Variants in NAA11 observed in about 807,000 individuals in gnomAD.
The protein encoded by NAA11 is N-alpha-acetyltransferase 11, NatA catalytic subunit, also known as N-alpha-acetyltransferase 11.
A neutral mutation model predicts 16.1 loss-of-function variants in NAA11; 15 were observed. The ratio of observed to expected loss-of-function variants is 0.93; its 90% CI spans 0.62 to 1.44. The LOEUF (loss-of-function observed/expected upper bound fraction) is 1.44, where lower values mean the gene tolerates loss of function less well. NAA11 is among the 40% of genes most tolerant of loss of function. The pLI is 0.00. For missense variants in NAA11, 298 were observed against 291.3 expected, an observed-to-expected ratio of 1.02 and a Z score of -0.17; for synonymous variants, 122 against 112.4, an observed-to-expected ratio of 1.09 and a Z score of -0.54.
intron 1 of NAA11, among the ~76,000 whole-genome samples, chr4:79,307,562 ATCTTTCCTCT>A (rs1339493308): frequency 3.3e-5 from 5 of 152,194 alleles, no homozygotes; most frequent in African/African-American, 9.7e-5. Context: ...AGGAACTATG[ATCTTTCCTCT>A]TCTTTTATAA....
the NAA11 span, among the ~76,000 whole-genome samples, chr4:79,181,819 C>T: frequency 6.6e-6 from 1 of 152,164 alleles, no homozygotes; most frequent in Non-Finnish European, 1.5e-5. Flanking sequence ...GTGGCCACTT[C>T]CATCTGTGGA....
chr4:79,296,579 A>C (rs1723228225), intron 1 of NAA11, among the ~76,000 whole-genome samples: 1 of 152,160 alleles, frequency 6.6e-6, no homozygotes, highest in African/African-American at 2.4e-5. Context: ...TCAGCATTCA[A>C]TCTTCAATTG....
At chr4:79,230,269 T>A (rs1721429105) in intron 2 of NAA11, among the ~76,000 whole-genome samples, 1 of 149,508 alleles carries the variant, frequency 6.7e-6, no homozygotes. Flanking sequence ...CTCTGGGGAC[T>A]GTTGTGGGGT....
At chr4:79,300,742 T>C (rs909843204) in intron 1 of NAA11, among the ~76,000 whole-genome samples, 11 of 152,154 alleles carry the variant, frequency 7.2e-5, no homozygotes, top group African/African-American at 2.7e-4. Flanking sequence ...TTTTAATGCA[T>C]TGGGATCCTC....
At chr4:79,200,893 C>CT in the NAA11 span, among the ~76,000 whole-genome samples, 1 of 150,950 alleles carries the variant, frequency 6.6e-6, no homozygotes, top group Non-Finnish European at 1.5e-5. Flanking sequence ...TCAGAGAAGT[C>CT]AAATAAAAGT....
At chr4:79,298,596 C>T (rs1160526816) in intron 1 of NAA11, among the ~76,000 whole-genome samples, 1 of 152,232 alleles carries the variant, frequency 6.6e-6, no homozygotes, top group Non-Finnish European at 1.5e-5. Flanking sequence ...TCCCACCCCA[C>T]TGCAGCAGTT....
At chr4:79,261,640 T>C (rs1722245992) in intron 2 of NAA11, among the ~76,000 whole-genome samples, 1 of 152,198 alleles carries the variant, frequency 6.6e-6, no homozygotes, top group Non-Finnish European at 1.5e-5. Flanking sequence ...TATAGTGCTT[T>C]TGAAACCAGT....
chr4:79,201,502 T>A, the NAA11 span, among the ~76,000 whole-genome samples: 3 of 151,798 alleles, frequency 2.0e-5, no homozygotes, highest in Non-Finnish European at 2.9e-5. Flanking sequence ...TCTTTGCCAG[T>A]TTATGTACCA....
the NAA11 span, among the ~76,000 whole-genome samples, chr4:79,176,477 G>A: frequency 3.9e-5 from 6 of 152,212 alleles, no homozygotes; most frequent in African/African-American, 7.2e-5. Context: ...TGCAGTTTGC[G>A]TCTGAAGACA....
At chr4:79,170,869 AT>A in the NAA11 span, among the ~76,000 whole-genome samples, 3 of 152,104 alleles carry the variant, frequency 2.0e-5, no homozygotes, top group Admixed American at 1.3e-4. Flanking sequence ...AGAAAAATTT[AT>A]CTTTGATTAA....
the NAA11 span, among the ~76,000 whole-genome samples, chr4:79,175,260 T>C: frequency 6.6e-4 from 100 of 152,284 alleles, 2 homozygotes; most frequent in East Asian, 0.018. Flanking sequence ...TGTTCTGAGC[T>C]GATGTATTTC....
intron 1 of NAA11, among the ~76,000 whole-genome samples, chr4:79,302,301 A>G (rs1723413941): frequency 6.6e-6 from 1 of 152,184 alleles, no homozygotes; most frequent in South Asian, 2.1e-4. Flanking sequence ...ATGTATTGGT[A>G]TTCTTTTCTG....
At chr4:79,165,659 C>G in the NAA11 span, among the ~76,000 whole-genome samples, 1 of 152,168 alleles carries the variant, frequency 6.6e-6, no homozygotes, top group Non-Finnish European at 1.5e-5. Context: ...TTTTTAAAAA[C>G]TGGGAGACAT....
At chr4:79,205,158 A>G in the NAA11 span, among the ~76,000 whole-genome samples, 2 of 152,112 alleles carry the variant, frequency 1.3e-5, 1 homozygote, top group South Asian at 4.1e-4. Context: ...GATATAGGTG[A>G]TTTATTTTCC....
chr4:79,262,490 G>A (rs948138401), intron 2 of NAA11, among the ~76,000 whole-genome samples: 19 of 152,098 alleles, frequency 1.2e-4, no homozygotes, highest in African/African-American at 4.6e-4. Context: ...ATGTAACTAA[G>A]TACTTGTTAA....
the NAA11 span, among the ~76,000 whole-genome samples, chr4:79,214,148 T>A: frequency 2.2e-4 from 34 of 152,212 alleles, no homozygotes; most frequent in African/African-American, 7.2e-4. Flanking sequence ...TGGTGATGAC[T>A]TGCAAAAGAA....
downstream of NAA11, among the ~76,000 whole-genome samples, chr4:79,223,625 C>T (rs1217494285): frequency 4.7e-5 from 6 of 127,150 alleles, no homozygotes; most frequent in Non-Finnish European, 1.0e-4. Context: ...TGCACATGTA[C>T]CCTAAAACTT....
chr4:79,181,052 G>A, the NAA11 span, among the ~76,000 whole-genome samples: 9 of 152,010 alleles, frequency 5.9e-5, no homozygotes, highest in African/African-American at 2.2e-4. Flanking sequence ...GCCACAGGAA[G>A]GGGAACATCA....
intron 2 of NAA11, among the ~76,000 whole-genome samples, chr4:79,261,436 T>C (rs1042800968): frequency 6.6e-6 from 1 of 152,140 alleles, no homozygotes; most frequent in Admixed American, 6.5e-5. Flanking sequence ...ATATAAAGAA[T>C]AGGGTCTAAG....
Sources: gnomAD v4.1 joint callset for allele counts (sites outside exome capture counted in the v4.1 genomes callset) on GRCh38, gnomAD v4.1.1 for gene constraint, MANE v1.5 for transcripts, NCBI Gene and HGNC (gene_info 2026-07-23, HGNC 2026-07-21) for gene names.